The following BLZF1 variants were observed in gnomAD, a reference collection of about 807,000 sequenced individuals.
The protein encoded by BLZF1 is golgin-45.
In BLZF1, 39 loss-of-function variants were observed where a neutral mutation model predicts 43.8. That is an observed-to-expected ratio of 0.89 (90% CI 0.69 to 1.16). The LOEUF (loss-of-function observed/expected upper bound fraction) is 1.16, where lower values mean the gene tolerates loss of function less well. BLZF1 is among the 50% of genes most tolerant of loss of function. The pLI is 0.00. For synonymous variants in BLZF1, 136 were observed against 159.4 expected (o/e 0.85, Z 1.11); for missense variants, 449 against 469.8 (o/e 0.96, Z 0.41).
Position 169,393,375 on chromosome 1 carries a change from G to T in BLZF1, c.*28-2519G>T, listed in dbSNP as rs557589366. On this transcript the variant is annotated intron_variant, in intron 7 of 7. Transcript: ENST00000329281. ...GGCTGAGGCAGGTGGATCAGCTGAG[G>T]TCAGGAGTTTGAGACCAGCCTGACC... 2.3e-3 allele frequency among the ~76,000 whole-genome samples: 345 copies of T among 151,822 alleles called. 1 individual carries two copies. The highest frequency in any genetic ancestry group is 8.0e-3 in the African/African-American group (331 of 41,408).
At chr1:169,378,903 T>C (rs1330366149) in intron 4 of BLZF1, among the ~76,000 whole-genome samples, 1 of 151,980 alleles carries the variant, frequency 6.6e-6, no homozygotes, top group African/African-American at 2.4e-5. Context: ...AAATGCGCTT[T>C]TCTCATTGTT....
chr1:169,378,471 C>A lies in BLZF1; in HGVS notation c.610C>A (p.Gln204Lys), dbSNP rs1489714737. 2.0e-5 allele frequency: 33 copies of A among 1,612,754 alleles called. No individual in the cohort carries two copies. Among genetic ancestry groups the A allele is most frequent in the Non-Finnish European group, 2.5e-5 (30 of 1,179,126 alleles). Residue 204 changes from glutamine to lysine, a missense_variant, in exon 4 of 7, where the codon CAG becomes AAG. Transcript: ENST00000367808. ...TCGAAACACAGCTCAGCTTTCTGAA[C>A]AGTTAGAACGTATGTCAATACAGTG... ...LGRNTAQLSE[Q>K]LERMSIQCDV... is the part of the protein sequence containing the mutation.
At chr1:169,379,790 A>G (rs928462446) in intron 4 of BLZF1, among the ~76,000 whole-genome samples, 1 of 152,044 alleles carries the variant, frequency 6.6e-6, no homozygotes, top group Non-Finnish European at 1.5e-5. Flanking sequence ...TCCAATCAGT[A>G]GAAAACATGA....
chr1:169,376,720 C>A lies in BLZF1; in HGVS notation c.209C>A (p.Thr70Asn), dbSNP rs564455805. Residue 70 changes from threonine (T) to asparagine (N), a missense_variant, in exon 3 of 7, where the codon ACT (threonine) becomes AAT (asparagine). By Grantham distance (65) the Thr-to-Asn change is moderately conservative. Transcript: ENST00000367808. ...GTTCTTCAGCTAGGGAAAATGCTCA[C>A]TGAAAAAGCAATGGAAGTTAAAGCT... ...PGVLQLGKML[T>N]EKAMEVKAVR... 17 of 1,613,340 alleles carry A rather than the reference C, an allele frequency of 1.1e-5. No homozygotes were observed. In the South Asian group the frequency reaches 1.9e-4, roughly 18 times the overall value.
At chr1:169,394,688 C>T (rs969744826) in intron 7 of BLZF1, among the ~76,000 whole-genome samples, 2 of 152,132 alleles carry the variant, frequency 1.3e-5, no homozygotes, top group Admixed American at 1.3e-4. Context: ...TAAGGAGTCA[C>T]TCCTTCAGCC....
At chr1:169,379,196 G>A (rs72702183) in intron 4 of BLZF1, among the ~76,000 whole-genome samples, 18,179 of 151,936 alleles carry the variant, frequency 0.12, 1,127 homozygotes, top group South Asian at 0.15. Context: ...ACTTTATAGA[G>A]TATGTTTCAT....
downstream of BLZF1, among the ~76,000 whole-genome samples, chr1:169,393,277 A>G (rs1654861672): frequency 6.6e-6 from 1 of 152,060 alleles, no homozygotes; most frequent in Non-Finnish European, 1.5e-5. Context: ...CACGCCATAT[A>G]TAAAAATTAA....
At position 169,382,264 on chromosome 1, in the gene BLZF1, G is replaced by T; in HGVS notation, c.1000G>T (p.Glu334Ter). Residue 334 changes from glutamate (E) to a stop codon, truncating the protein, a stop_gained, in exon 6 of 7, where the codon GAG becomes TAG. Coordinates refer to ENST00000367808, the MANE Select transcript of BLZF1 (RefSeq NM_001320973.2). LOFTEE classifies it high-confidence loss of function. Reference protein sequence around the residue: ...STVEFCSTPAEKMAETVLRIL... With the variant: ...STVEFCSTPA Reference sequence around the variant, plus strand: ...AGTTGAATTCTGCAGCACCCCAGCTGAGAAAATGGCTGAAACGGTAAAATA... The same window carrying T: ...AGTTGAATTCTGCAGCACCCCAGCTTAGAAAATGGCTGAAACGGTAAAATA... The T allele has an allele frequency of 1.2e-6, 2 of 1,613,466 alleles. No individual in the cohort carries two copies. The highest frequency in any genetic ancestry group is 1.1e-5 in the South Asian group (1 of 91,046).
chr1:169,379,189 TTATAGAG>T (rs1393608952), intron 4 of BLZF1, among the ~76,000 whole-genome samples: 2 of 151,992 alleles, frequency 1.3e-5, no homozygotes, highest in African/African-American at 4.8e-5. Flanking sequence ...GCAAAATACT[TTATAGAG>T]TATGTTTCAT....
At chr1:169,375,357 A>T (rs896414166) in intron 2 of BLZF1, among the ~76,000 whole-genome samples, 1 of 140,458 alleles carries the variant, frequency 7.1e-6, no homozygotes, top group African/African-American at 2.6e-5. Flanking sequence ...ATATATATAA[A>T]AAACATATAT....
chr1:169,381,205 A>G (rs1298053155), intron 5 of BLZF1, among the ~76,000 whole-genome samples: 1 of 152,068 alleles, frequency 6.6e-6, no homozygotes, highest in Non-Finnish European at 1.5e-5. Flanking sequence ...AGGGGGGGGT[A>G]CAATATAGAC....
At chr1:169,375,976 G>C (rs1014386626) in intron 2 of BLZF1, among the ~76,000 whole-genome samples, 5 of 152,004 alleles carry the variant, frequency 3.3e-5, no homozygotes, top group African/African-American at 1.2e-4. Context: ...AGTTTCACTT[G>C]TGTAAGCAGG....
intron 4 of BLZF1, among the ~76,000 whole-genome samples, chr1:169,380,103 AT>A (rs1326052795): frequency 6.6e-6 from 1 of 151,838 alleles, no homozygotes; most frequent in African/African-American, 2.4e-5. Context: ...CAAAGAGGTA[AT>A]TGAGTGAAGA....
chr1:169,395,208 T>G (rs1207463385), intron 7 of BLZF1: 1 of 1,609,274 alleles, frequency 6.2e-7, no homozygotes, highest in Admixed American at 1.7e-5. Flanking sequence ...CTTAACCATC[T>G]GTAGAAACAG....
chr1:169,389,242 C>T (rs894341174), downstream of BLZF1, among the ~76,000 whole-genome samples: 8 of 151,784 alleles, frequency 5.3e-5, no homozygotes, highest in African/African-American at 1.9e-4. Flanking sequence ...TGCAGTGAGC[C>T]GAGATCGCGC....
At chr1:169,373,842 A>C (rs1654207391) in intron 2 of BLZF1, among the ~76,000 whole-genome samples, 1 of 152,170 alleles carries the variant, frequency 6.6e-6, no homozygotes, top group African/African-American at 2.4e-5. Flanking sequence ...CAAAAATGTT[A>C]CAGCTTGCCT....
Position 169,387,707 on chromosome 1 carries a change from C to T in BLZF1, c.*525C>T, listed in dbSNP as rs1467890155. 6.6e-6 allele frequency: 1 copy of T among 152,226 alleles called. No individual in the cohort carries two copies. Among genetic ancestry groups the T allele is most frequent in the East Asian group, 1.9e-4 (1 of 5,200 alleles). 9.4% of individuals were successfully genotyped at this position (152,226 alleles called of 1,614,324 possible). ...ATTCTAAAGTAATTGTAGTAGGGAGCTGGAGGACTTTCTTTCCCTTTATGG... is the reference window on the plus strand; with the variant it reads ...ATTCTAAAGTAATTGTAGTAGGGAGTTGGAGGACTTTCTTTCCCTTTATGG... On this transcript the variant is annotated 3_prime_UTR_variant, in exon 7 of 7. Coordinates refer to ENST00000367808, the MANE Select transcript of BLZF1 (RefSeq NM_001320973.2).
At chr1:169,372,521 A>G in intron 2 of BLZF1, among the ~76,000 whole-genome samples, 1 of 152,124 alleles carries the variant, frequency 6.6e-6, no homozygotes, top group Non-Finnish European at 1.5e-5. Context: ...TACCCTGAAG[A>G]GCTCCCAACA....
At chr1:169,385,545 A>G (rs566712815) in intron 6 of BLZF1, among the ~76,000 whole-genome samples, 3 of 152,336 alleles carry the variant, frequency 2.0e-5, no homozygotes, top group South Asian at 4.1e-4. Context: ...TTCTCGCTCT[A>G]TAAAGACCTA....
Sources: gnomAD v4.1 joint callset for allele counts (sites outside exome capture counted in the v4.1 genomes callset) on GRCh38, gnomAD v4.1.1 for gene constraint, MANE v1.5 for transcripts, NCBI Gene and HGNC (gene_info 2026-07-23, HGNC 2026-07-21) for gene names.